The following TMCO5A variants were observed in gnomAD, a reference collection of about 807,000 sequenced individuals.
The protein encoded by TMCO5A is transmembrane and coiled-coil domains 5A.
A neutral mutation model predicts 42.3 loss-of-function variants in TMCO5A; 34 were observed. That is an observed-to-expected ratio of 0.80 (90% confidence interval 0.61 to 1.07). TMCO5A has a LOEUF of 1.07. Among genes scored for constraint, TMCO5A ranks in the 50% least tolerant of loss-of-function variants. The pLI, the probability that TMCO5A is intolerant of heterozygous loss-of-function variation, is 0.00. For synonymous variants in TMCO5A, 131 were observed against 115.6 expected (o/e 1.13, Z -0.86); for missense variants, 357 against 327.9 (o/e 1.09, Z -0.69).
At chr15:38,017,022 C>T in the TMCO5A span, among the ~76,000 whole-genome samples, 157 of 151,968 alleles carry the variant, frequency 1.0e-3, no homozygotes, top group African/African-American at 3.5e-3. Context: ...AGAGAGGATA[C>T]GGCTGTATTT....
At chr15:37,976,013 G>A in the TMCO5A span, among the ~76,000 whole-genome samples, 4 of 150,860 alleles carry the variant, frequency 2.7e-5, 1 homozygote, top group South Asian at 4.1e-4. Flanking sequence ...GGAGACCAAG[G>A]TGGGTGGATC....
At chr15:38,037,724 G>C in the TMCO5A span, among the ~76,000 whole-genome samples, 5 of 152,174 alleles carry the variant, frequency 3.3e-5, no homozygotes, top group South Asian at 1.0e-3. Context: ...GTAAATAAAA[G>C]TAATTGTTGG....
chr15:37,966,943 G>C, exon 12 of TMCO5A: 1 of 422,846 alleles, frequency 2.4e-6, no homozygotes, highest in East Asian at 3.8e-5. Flanking sequence ...CACTAAAAGG[G>C]GCTCAGTGCC....
chr15:37,975,362 G>T, the TMCO5A span, among the ~76,000 whole-genome samples: 1 of 152,066 alleles, frequency 6.6e-6, no homozygotes, highest in Non-Finnish European at 1.5e-5. Flanking sequence ...ATTACTGTTT[G>T]GTTATCTAAG....
intron 6 of TMCO5A, among the ~76,000 whole-genome samples, chr15:37,940,775 G>A (rs1297913745): frequency 6.6e-6 from 1 of 152,080 alleles, no homozygotes; most frequent in Non-Finnish European, 1.5e-5. Context: ...GGTGAGCAAG[G>A]CATACAGGGA....
the TMCO5A span, among the ~76,000 whole-genome samples, chr15:38,007,396 A>G: frequency 1.3e-5 from 2 of 152,228 alleles, no homozygotes; most frequent in Non-Finnish European, 2.9e-5. Context: ...GAATACTTCT[A>G]CCTGAAATAT....
the TMCO5A span, among the ~76,000 whole-genome samples, chr15:37,990,982 T>C: frequency 6.6e-6 from 1 of 152,086 alleles, no homozygotes; most frequent in African/African-American, 2.4e-5. Context: ...AAAGCATAAA[T>C]AACTGTTTTA....
chr15:37,973,156 C>CT, the TMCO5A span, among the ~76,000 whole-genome samples: 2 of 130,334 alleles, frequency 1.5e-5, no homozygotes, highest in African/African-American at 4.1e-5. Context: ...TTCTTTTTTT[C>CT]CTTTTTTTTT....
the TMCO5A span, among the ~76,000 whole-genome samples, chr15:37,982,552 A>ATATTATATATTATC: frequency 7.2e-6 from 1 of 138,982 alleles, no homozygotes; most frequent in African/African-American, 2.9e-5. Context: ...TATTATTATG[A>ATATTATATATTATC]TATATAATTG....
the TMCO5A span, among the ~76,000 whole-genome samples, chr15:38,025,216 G>A: frequency 6.6e-6 from 1 of 151,368 alleles, no homozygotes; most frequent in Admixed American, 6.6e-5. Flanking sequence ...CAGAAAATGT[G>A]GTGTTTGGTG....
chr15:38,032,059 G>A, the TMCO5A span, among the ~76,000 whole-genome samples: 44 of 151,846 alleles, frequency 2.9e-4, no homozygotes, highest in East Asian at 3.9e-4. Flanking sequence ...AGGTTCAAGC[G>A]ATTCTCCTGC....
chr15:38,038,878 A>G, the TMCO5A span, among the ~76,000 whole-genome samples: 7 of 152,214 alleles, frequency 4.6e-5, no homozygotes, highest in Non-Finnish European at 1.0e-4. Flanking sequence ...ACGACTTTTC[A>G]TATTAGTTAC....
chr15:37,969,611 A>C (rs985219871), downstream of TMCO5A, among the ~76,000 whole-genome samples: 1 of 152,150 alleles, frequency 6.6e-6, no homozygotes, highest in Non-Finnish European at 1.5e-5. Flanking sequence ...ATATAGGTAA[A>C]TTGCATGTCA....
chr15:37,971,699 C>T (rs1346732485), downstream of TMCO5A, among the ~76,000 whole-genome samples: 1 of 152,144 alleles, frequency 6.6e-6, no homozygotes, highest in Non-Finnish European at 1.5e-5. Flanking sequence ...ACCAGATACC[C>T]TAAATCATCT....
the TMCO5A span, among the ~76,000 whole-genome samples, chr15:37,980,474 T>C: frequency 1.3e-5 from 2 of 151,996 alleles, no homozygotes; most frequent in African/African-American, 4.8e-5. Flanking sequence ...GTCCTGTCTC[T>C]CTCTTCTCCG....
chr15:37,951,967 T>C (rs756780360), downstream of TMCO5A, among the ~76,000 whole-genome samples: 2 of 152,016 alleles, frequency 1.3e-5, no homozygotes, highest in Non-Finnish European at 2.9e-5. Context: ...GACTGCAGCA[T>C]TTGTGAGACA....
At chr15:38,025,829 G>C in the TMCO5A span, among the ~76,000 whole-genome samples, 3 of 152,162 alleles carry the variant, frequency 2.0e-5, no homozygotes. Flanking sequence ...AATCATGGGG[G>C]TGGTTCCCCC....
At chr15:38,031,598 C>T in the TMCO5A span, among the ~76,000 whole-genome samples, 6 of 152,268 alleles carry the variant, frequency 3.9e-5, no homozygotes, top group African/African-American at 1.4e-4. Flanking sequence ...AGCCTCCGGC[C>T]AACAGTCATA....
the TMCO5A span, among the ~76,000 whole-genome samples, chr15:38,008,113 T>G: frequency 9.2e-5 from 14 of 151,842 alleles, no homozygotes; most frequent in African/African-American, 3.1e-4. Flanking sequence ...GCCGGGATGG[T>G]CTCGATCTCC....
Sources: allele counts gnomAD v4.1 joint callset (sites outside exome capture counted in the v4.1 genomes callset), GRCh38; gene constraint gnomAD v4.1.1; transcripts MANE v1.5; gene names NCBI Gene and HGNC (gene_info 2026-07-23, HGNC 2026-07-21).